The following VWC2L variants were observed in gnomAD, a reference collection of about 807,000 sequenced individuals.
VWC2L encodes von Willebrand factor C domain containing 2 like.
In VWC2L, 10 loss-of-function variants were observed where a neutral mutation model predicts 21.6. That is an observed-to-expected ratio of 0.46 (90% CI 0.29 to 0.78). The LOEUF is 0.78. VWC2L is among the 30% of genes least tolerant of loss of function. The pLI, the probability that VWC2L is intolerant of heterozygous loss-of-function variation, is 0.10. For missense variants in VWC2L, 209 were observed against 277.1 expected, an observed-to-expected ratio of 0.75 and a Z score of 1.74; for synonymous variants, 96 against 94.3, an observed-to-expected ratio of 1.02 and a Z score of -0.10.
intron 3 of VWC2L, chr2:214,525,295 TGTGTGCAAACAGACAAAA>T (rs1320677329): frequency 6.6e-6 from 1 of 152,148 alleles, no homozygotes; most frequent in African/African-American, 2.4e-5. Context: ...AGGAAGTACA[TGTGTGCAAACAGACAAAA>T]GTTTGCACAC....
chr2:214,551,982 T>A (rs939170281), intron 3 of VWC2L, among the ~76,000 whole-genome samples: 1 of 152,230 alleles, frequency 6.6e-6, no homozygotes, highest in South Asian at 2.1e-4. Context: ...CCTGTCCCCA[T>A]CCTTATCTTT....
At chr2:214,494,607 A>G (rs1214653587) in intron 3 of VWC2L, among the ~76,000 whole-genome samples, 9 of 152,168 alleles carry the variant, frequency 5.9e-5, no homozygotes, top group Admixed American at 4.6e-4. Context: ...TGAGTCTCAA[A>G]GTCTCTTCAG....
chr2:214,504,163 T>C (rs1688935152), intron 3 of VWC2L, among the ~76,000 whole-genome samples: 1 of 152,154 alleles, frequency 6.6e-6, no homozygotes, highest in Admixed American at 6.5e-5. Flanking sequence ...AATAAGAAAA[T>C]AGAAAGGTTC....
At chr2:214,538,730 A>G (rs1689580473) in intron 3 of VWC2L, among the ~76,000 whole-genome samples, 1 of 151,824 alleles carries the variant, frequency 6.6e-6, no homozygotes, top group Admixed American at 6.6e-5. Flanking sequence ...TATTTTTTCT[A>G]CCTTCTCCCA....
chr2:214,573,761 A>C (rs1194282446), intron 3 of VWC2L, among the ~76,000 whole-genome samples: 2 of 152,236 alleles, frequency 1.3e-5, no homozygotes, highest in African/African-American at 2.4e-5. Flanking sequence ...TCTATCGAAC[A>C]ATGACTTAAA....
intron 3 of VWC2L, among the ~76,000 whole-genome samples, chr2:214,497,825 G>A (rs1010500092): frequency 2.0e-5 from 3 of 152,292 alleles, no homozygotes; most frequent in Admixed American, 6.5e-5. Context: ...TTTGAGAACC[G>A]CTGCTCTCTG....
intron 3 of VWC2L, among the ~76,000 whole-genome samples, chr2:214,572,941 TGTCA>T (rs1359804521): frequency 2.0e-5 from 3 of 152,196 alleles, no homozygotes; most frequent in Non-Finnish European, 4.4e-5. Context: ...CTTTGCATTC[TGTCA>T]ATCAATATAC....
chr2:214,447,812 T>C (rs1402329236), intron 3 of VWC2L, among the ~76,000 whole-genome samples: 2 of 152,078 alleles, frequency 1.3e-5, no homozygotes, highest in Non-Finnish European at 2.9e-5. Flanking sequence ...CTTCTTGGGC[T>C]CTTGCATCTC....
chr2:214,569,502 C>T (rs1011664805), intron 3 of VWC2L, among the ~76,000 whole-genome samples: 2 of 152,158 alleles, frequency 1.3e-5, no homozygotes, highest in African/African-American at 4.8e-5. Context: ...CATAAAAACA[C>T]CCACCATGGC....
chr2:214,560,925 C>G (rs182189863), intron 3 of VWC2L, among the ~76,000 whole-genome samples: 1 of 152,174 alleles, frequency 6.6e-6, no homozygotes, highest in African/African-American at 2.4e-5. Flanking sequence ...TCAGAAATGA[C>G]CCTTTGCTAA....
intron 3 of VWC2L, among the ~76,000 whole-genome samples, chr2:214,455,708 C>G (rs1240950003): frequency 2.0e-5 from 3 of 152,166 alleles, no homozygotes; most frequent in African/African-American, 7.2e-5. Flanking sequence ...GCAGAACAAT[C>G]TCTCTCCCCT....
At position 214,576,851 on chromosome 2, in the gene VWC2L, C is replaced by T. The variant is rs758782549; in HGVS notation, c.*1031C>T. On this transcript the variant is annotated 3_prime_UTR_variant, in exon 4 of 4. Coordinates refer to ENST00000312504, the MANE Select transcript of VWC2L (RefSeq NM_001080500.4). ...CATGTTGTAGTAACAACCACTCAGC[C>T]CTATGTCTGAAACACAGATTCAGGA... 3.7e-4 allele frequency: 56 copies of T among 152,144 alleles called. No individual in the cohort carries two copies. The highest frequency in any genetic ancestry group is 3.2e-4 in the Non-Finnish European group (22 of 68,040). The allele number at this position is 152,144 out of a possible 1,614,324, so 9.4% of individuals were successfully genotyped here.
At chr2:214,527,158 ATAC>A (rs773571418) in intron 3 of VWC2L, among the ~76,000 whole-genome samples, 92 of 152,284 alleles carry the variant, frequency 6.0e-4, no homozygotes, top group Non-Finnish European at 1.2e-3. Context: ...AGAAAACCAA[ATAC>A]TACATGTCCT....
intron 2 of VWC2L, among the ~76,000 whole-genome samples, chr2:214,434,012 A>T (rs1389573594): frequency 1.3e-5 from 2 of 152,222 alleles, no homozygotes; most frequent in Non-Finnish European, 2.9e-5. Flanking sequence ...AGGAAATCAC[A>T]TGCATATGAT....
At chr2:214,537,518 G>A (rs1689554436) in intron 3 of VWC2L, among the ~76,000 whole-genome samples, 1 of 151,844 alleles carries the variant, frequency 6.6e-6, no homozygotes, top group African/African-American at 2.4e-5. Context: ...ACTAGAGGCT[G>A]GGGATGAGAG....
At chr2:214,517,432 G>A (rs191344264) in intron 3 of VWC2L, among the ~76,000 whole-genome samples, 1 of 152,172 alleles carries the variant, frequency 6.6e-6, no homozygotes, top group Non-Finnish European at 1.5e-5. Flanking sequence ...GTCTCAATCA[G>A]TTGGAGGGCT....
chr2:214,459,497 T>G (rs1215317200), intron 3 of VWC2L, among the ~76,000 whole-genome samples: 1 of 152,248 alleles, frequency 6.6e-6, no homozygotes, highest in Admixed American at 6.5e-5. Context: ...GTTGGTTTTC[T>G]GTAGCAGTAA....
intron 3 of VWC2L, among the ~76,000 whole-genome samples, chr2:214,528,978 A>G (rs1689388418): frequency 6.6e-6 from 1 of 152,216 alleles, no homozygotes; most frequent in African/African-American, 2.4e-5. Flanking sequence ...CTACAAAAAT[A>G]GCCATTTCTT....
intron 3 of VWC2L, among the ~76,000 whole-genome samples, chr2:214,480,505 A>G (rs1385561299): frequency 1.3e-5 from 2 of 152,186 alleles, no homozygotes. Flanking sequence ...AGCCCAAAGA[A>G]TCACGCTCAG....
Sources: allele counts gnomAD v4.1 joint callset (sites outside exome capture counted in the v4.1 genomes callset), GRCh38; gene constraint gnomAD v4.1.1; transcripts MANE v1.5; gene names NCBI Gene and HGNC (gene_info 2026-07-23, HGNC 2026-07-21).